MLYCD: variants seen among roughly 807,000 people sequenced by gnomAD.
MLYCD encodes malonyl-CoA decarboxylase, also known as malonyl-CoA decarboxylase, mitochondrial.
MLYCD carries 27 observed loss-of-function variants against 35.8 expected under a neutral mutation model. The ratio of observed to expected loss-of-function variants is 0.75; its 90% CI spans 0.56 to 1.04. The LOEUF (loss-of-function observed/expected upper bound fraction) is 1.04, where lower values mean the gene tolerates loss of function less well. Ranked by LOEUF, MLYCD falls within the 50% of genes least tolerant of loss-of-function variation. The probability of loss-of-function intolerance (pLI) is 0.00; values close to 1 mark genes in which losing one functional copy is unlikely to be tolerated. For missense variants in MLYCD, 917 were observed against 665.1 expected, an observed-to-expected ratio of 1.38 and a Z score of -4.17; for synonymous variants, 403 against 302.4, an observed-to-expected ratio of 1.33 and a Z score of -3.45.
intron 3 of MLYCD, among the ~76,000 whole-genome samples, chr16:83,911,262 G>T (rs1907170447): frequency 6.6e-6 from 1 of 152,212 alleles, no homozygotes; most frequent in African/African-American, 2.4e-5. Context: ...ACAGGCGTGA[G>T]CCACCGCGCC....
chr16:83,908,291 G>A lies in MLYCD; in HGVS notation c.798+9G>A, dbSNP rs752966506. The A allele has an allele frequency of 3.1e-5, 50 of 1,613,924 alleles. No homozygotes were observed. Among genetic ancestry groups the A allele is most frequent in the East Asian group, 1.3e-4 (6 of 44,884 alleles). ...TCTCCAGCAACATCCAGGTACCTGCGATGGTCAATTCGGGACAAGATGGGC... is the reference window on the plus strand; with the variant it reads ...TCTCCAGCAACATCCAGGTACCTGCAATGGTCAATTCGGGACAAGATGGGC... On this transcript the variant is annotated intron_variant, in intron 3 of 4. Transcript: ENST00000262430.
At chr16:83,908,793 A>C (rs1411069542) in intron 3 of MLYCD, among the ~76,000 whole-genome samples, 1 of 152,156 alleles carries the variant, frequency 6.6e-6, no homozygotes, top group African/African-American at 2.4e-5. Context: ...CTGCTCCTGG[A>C]TGAGTTTGGC....
intron 1 of MLYCD, among the ~76,000 whole-genome samples, chr16:83,902,155 G>GTGCATA (rs1555537769): frequency 2.3e-5 from 2 of 87,318 alleles, no homozygotes; most frequent in Non-Finnish European, 4.6e-5. Flanking sequence ...GTGTGCGTGC[G>GTGCATA]TATATATATA....
Position 83,915,716 on chromosome 16 carries a change from G to T in MLYCD, c.*227G>T. 1 of 1,422,374 alleles carries T rather than the reference G, an allele frequency of 7.0e-7. No individual in the cohort carries two copies. The highest frequency in any genetic ancestry group is 9.2e-7 in the Non-Finnish European group (1 of 1,087,020). 88.1% of individuals were successfully genotyped at this position (1,422,374 alleles called of 1,614,324 possible). A position where few individuals can be genotyped will look rare whatever the true frequency, so the allele number is the denominator to read the frequency against. ...TGGGTGCGGGTGCACACAAATGAGT[G>T]GGTTGCTGTGCTGTCTCCGGAAGAT... On this transcript the variant is annotated 3_prime_UTR_variant, in exon 5 of 5. Transcript: ENST00000262430.
rs1176590019 is a variant in MLYCD, at chr16:83,918,300, A to ACACAGTGCACAGGAGAACACT, written c.*2832_*2852dup. 1 of 152,268 alleles carries ACACAGTGCACAGGAGAACACT rather than the reference A, an allele frequency of 6.6e-6. No individual in the cohort carries two copies. Among genetic ancestry groups the ACACAGTGCACAGGAGAACACT allele is most frequent in the South Asian group, 2.1e-4 (1 of 4,814 alleles). The allele number at this position is 152,268 out of a possible 1,614,324, so 9.4% of individuals were successfully genotyped here. A position where few individuals can be genotyped will look rare whatever the true frequency, so the allele number is the denominator to read the frequency against. On this transcript the variant is annotated 3_prime_UTR_variant, in exon 5 of 5. Coordinates refer to ENST00000262430, the MANE Select transcript of MLYCD (RefSeq NM_012213.3). ...GCACAGAACACACACAGTGCACAGAACACAGTGCACAGGAGAACACTCACA... is the reference window on the plus strand; with the variant it reads ...GCACAGAACACACACAGTGCACAGAACACAGTGCACAGGAGAACACTCACAGTGCACAGGAGAACACTCACA...
At chr16:83,905,394 T>G (rs898893891) in intron 1 of MLYCD, among the ~76,000 whole-genome samples, 1 of 152,232 alleles carries the variant, frequency 6.6e-6, no homozygotes, top group Non-Finnish European at 1.5e-5. Context: ...CTATGTAGTT[T>G]ATGAGTAACA....
At chr16:83,904,102 C>A (rs901761343) in intron 1 of MLYCD, among the ~76,000 whole-genome samples, 3 of 152,186 alleles carry the variant, frequency 2.0e-5, no homozygotes, top group Non-Finnish European at 4.4e-5. Context: ...ATGAAGAGAT[C>A]TGTAGGGGAG....
intron 1 of MLYCD, among the ~76,000 whole-genome samples, chr16:83,904,006 C>T (rs989391566): frequency 3.3e-5 from 5 of 152,166 alleles, no homozygotes; most frequent in African/African-American, 1.2e-4. Context: ...TAGAACTGAG[C>T]AACGGAGACT....
chr16:83,899,288 G>A lies in MLYCD; in HGVS notation c.144G>A (p.Val48=), dbSNP rs1331029902. The A allele has an allele frequency of 6.8e-7, 1 of 1,477,510 alleles. No individual in the cohort carries two copies. Among genetic ancestry groups the A allele is most frequent in the Non-Finnish European group, 8.9e-7 (1 of 1,120,112 alleles). 91.5% of individuals were successfully genotyped at this position (1,477,510 alleles called of 1,614,324 possible). A position where few individuals can be genotyped will look rare whatever the true frequency, so the allele number is the denominator to read the frequency against. Residue 48 remains valine (V), a synonymous_variant, in exon 1 of 5, where the codon GTG becomes GTA. Transcript: ENST00000262430. ...RAMDELLRRA[V]PPTPAYELRE... Reference sequence around the variant, plus strand: ...TGGACGAGCTGCTGCGCCGCGCGGTGCCGCCGACGCCGGCCTACGAGCTGC... The same window carrying A: ...TGGACGAGCTGCTGCGCCGCGCGGTACCGCCGACGCCGGCCTACGAGCTGC...
intron 2 of MLYCD, among the ~76,000 whole-genome samples, chr16:83,907,488 C>G (rs1204505434): frequency 6.6e-6 from 1 of 152,190 alleles, no homozygotes; most frequent in East Asian, 1.9e-4. Context: ...GTTAAGATTT[C>G]TCCCTGAGTT....
chr16:83,913,385 T>TCCCGGGATTC (rs1416377215), intron 4 of MLYCD: 4 of 152,454 alleles, frequency 2.6e-5, no homozygotes, highest in African/African-American at 9.7e-5. Flanking sequence ...GAGGAGCAGA[T>TCCCGGGATTC]CCCGGGATTC....
intron 4 of MLYCD, chr16:83,914,174 T>G (rs913892815): frequency 2.6e-5 from 4 of 152,394 alleles, no homozygotes; most frequent in Non-Finnish European, 5.9e-5. Context: ...ACATTTATAA[T>G]CAGAAAGTAG....
At position 83,919,778 on chromosome 16, in the gene MLYCD, CA is replaced by C. The variant is rs1907587380; in HGVS notation, c.*4290del. 1.3e-5 allele frequency: 2 copies of C among 150,532 alleles called. No individual in the cohort carries two copies. The highest frequency in any genetic ancestry group is 2.9e-5 in the Non-Finnish European group (2 of 68,034). The allele number at this position is 150,532 out of a possible 1,614,324, so 9.3% of individuals were successfully genotyped here. A position where few individuals can be genotyped will look rare whatever the true frequency, so the allele number is the denominator to read the frequency against. On this transcript the variant is annotated 3_prime_UTR_variant, in exon 5 of 5. Coordinates refer to ENST00000262430, the MANE Select transcript of MLYCD (RefSeq NM_012213.3). ...GGTGCACAGGAGAACACATGGTGCACAGGAGAACACACGGTGTACAGAACAC... is the reference window on the plus strand; with the variant it reads ...GGTGCACAGGAGAACACATGGTGCACGGAGAACACACGGTGTACAGAACAC...
Position 83,907,094 on chromosome 16 carries a change from CAGTG to C in MLYCD, c.640_641+2del, listed in dbSNP as rs1294168838. On this transcript the variant is annotated frameshift_variant and splice_region_variant, in exon 2 of 5. Transcript: ENST00000262430. LOFTEE classifies it high-confidence loss of function. ...CACCGTGTGAAGTGCTTCAGAAAATCAGTGAGTAAGTATTACGGTTTTCATTTTC... is the reference window on the plus strand; with the variant it reads ...CACCGTGTGAAGTGCTTCAGAAAATCAGTAAGTATTACGGTTTTCATTTTC... 3 of 1,610,692 alleles carry C rather than the reference CAGTG, an allele frequency of 1.9e-6. No individual in the cohort carries two copies. Among genetic ancestry groups the C allele is most frequent in the Admixed American group, 1.7e-5 (1 of 59,994 alleles).
Position 83,907,821 on chromosome 16 carries a change from A to G in MLYCD, c.642-305A>G, listed in dbSNP as rs79201641. On this transcript the variant is annotated intron_variant, in intron 2 of 4. Transcript: ENST00000262430. Reference sequence around the variant, plus strand: ...AAGGAAAGAAAAGACAGTGTTCAACACCAAGCGTTTGATTAGGTTTCACGT... The same window carrying G: ...AAGGAAAGAAAAGACAGTGTTCAACGCCAAGCGTTTGATTAGGTTTCACGT... Among the ~76,000 whole-genome samples the G allele has an allele frequency of 9.2e-5, 14 of 152,326 alleles. 1 individual carries two copies. The East Asian group carries it at 2.7e-3, about 29-fold the overall frequency.
At chr16:83,901,440 T>C (rs1391038601) in intron 1 of MLYCD, among the ~76,000 whole-genome samples, 4 of 152,208 alleles carry the variant, frequency 2.6e-5, no homozygotes, top group Non-Finnish European at 5.9e-5. Context: ...TCATTCAGCA[T>C]TTGTGTGGAG....
intron 4 of MLYCD, chr16:83,913,758 G>C (rs1868343129): frequency 6.8e-6 from 1 of 146,394 alleles, no homozygotes; most frequent in Non-Finnish European, 1.5e-5. Context: ...AGATTGCAGT[G>C]AGCCAAGACT....
chr16:83,908,592 C>T (rs999935330), intron 3 of MLYCD, among the ~76,000 whole-genome samples: 2 of 152,118 alleles, frequency 1.3e-5, no homozygotes, highest in African/African-American at 4.8e-5. Context: ...GAAGAAGGGA[C>T]AGATACCTGA....
chr16:83,915,588 C>G lies in MLYCD; in HGVS notation c.*99C>G, dbSNP rs1355687751. 14 of 1,547,090 alleles carry G rather than the reference C, an allele frequency of 9.0e-6. No homozygotes were observed. The highest frequency in any genetic ancestry group is 1.4e-5 in the African/African-American group (1 of 73,772). ...ATCTGAAGCAGCTTTCCAAGCAAAG[C>G]CAAAGTTGACTGTGTTCTTGTCCCG... On this transcript the variant is annotated 3_prime_UTR_variant, in exon 5 of 5. Coordinates refer to ENST00000262430, the MANE Select transcript of MLYCD (RefSeq NM_012213.3).
Sources: allele counts gnomAD v4.1 joint callset (sites outside exome capture counted in the v4.1 genomes callset), GRCh38; gene constraint gnomAD v4.1.1; transcripts MANE v1.5; gene names NCBI Gene and HGNC (gene_info 2026-07-23, HGNC 2026-07-21).